Variants in AGAP1 observed in about 807,000 individuals in gnomAD.
AGAP1 encodes the protein ArfGAP with GTPase domain, ankyrin repeat and PH domain 1.
In AGAP1, 29 loss-of-function variants were observed where a neutral mutation model predicts 105.3. That is an observed-to-expected ratio of 0.28 (90% CI 0.21 to 0.38). The LOEUF is 0.38. AGAP1 is among the 10% of genes least tolerant of loss of function. The probability of loss-of-function intolerance (pLI) is 1.00; values close to 1 mark genes in which losing one functional copy is unlikely to be tolerated. For synonymous variants in AGAP1, 509 were observed against 485.9 expected (o/e 1.05, Z -0.63); for missense variants, 998 against 1,165.1 (o/e 0.86, Z 2.09).
rs1335033989 is a variant in AGAP1 at position 235,586,253 on chromosome 2, G to T, written c.163+91404G>T. On this transcript the variant is annotated intron_variant, in intron 1 of 17. Coordinates refer to ENST00000304032, the MANE Select transcript of AGAP1 (RefSeq NM_001037131.3). The surrounding 1 kb of genome is among the most constrained non-coding windows in gnomAD (Gnocchi z 4.2). ...ATACGGGCATGTTATCCAGAAGAGA[G>T]GAGAGAGAAGCCCGCTGCACTCTCC... Among the ~76,000 whole-genome samples the T allele has an allele frequency of 1.3e-5, 2 of 152,230 alleles. No homozygotes were observed. The highest frequency in any genetic ancestry group is 2.9e-5 in the Non-Finnish European group (2 of 68,038).
chr2:235,546,957 C>T (rs1252281893), intron 1 of AGAP1, among the ~76,000 whole-genome samples: 1 of 152,228 alleles, frequency 6.6e-6, no homozygotes, highest in African/African-American at 2.4e-5. Flanking sequence ...TTCAGCTCTC[C>T]ACCCGTAGGG....
rs1196364276 is a variant in AGAP1, at chr2:235,867,399, A to G, written c.1051-15946A>G. 6.6e-6 allele frequency among the ~76,000 whole-genome samples: 1 copy of G among 152,184 alleles called. No homozygotes were observed. Among genetic ancestry groups the G allele is most frequent in the African/African-American group, 2.4e-5 (1 of 41,442 alleles). ...AGGCAGAGGATCAGATTTGGCCGAC[A>G]TGTGGGAGCTTGCCGGCCCCAGTCC... On this transcript the variant is annotated intron_variant, in intron 9 of 17. Coordinates refer to ENST00000304032, the MANE Select transcript of AGAP1 (RefSeq NM_001037131.3). This position sits in a 1 kb window ranked among gnomAD's most constrained non-coding sequence, Gnocchi z 5.4.
At chr2:235,819,960 A>G (rs1444608179) in intron 9 of AGAP1, among the ~76,000 whole-genome samples, 2 of 145,852 alleles carry the variant, frequency 1.4e-5, no homozygotes, top group African/African-American at 5.1e-5. Flanking sequence ...CTGGAGTGCA[A>G]TGGTGCGATC....
In AGAP1 at chr2:235,882,588, C is replaced by T. The variant is rs1233169422; in HGVS notation, c.1051-757C>T. The T allele has an allele frequency of 1.9e-5, 10 of 515,522 alleles. No homozygotes were observed. Among genetic ancestry groups the T allele is most frequent in the Admixed American group, 6.6e-5 (2 of 30,408 alleles). The allele number at this position is 515,522 out of a possible 1,614,324, so 31.9% of individuals were successfully genotyped here. ...AAGCAATTCCCCTGCTCAGCCTCCC[C>T]GAGTAGCTGGGATTATAGGTGCCCA... On this transcript the variant is annotated intron_variant, in intron 9 of 17. Transcript: ENST00000304032. This position sits in a 1 kb window ranked among gnomAD's most constrained non-coding sequence, Gnocchi z 4.6.
chr2:235,628,120 C>T lies in AGAP1; in HGVS notation c.164-81059C>T, dbSNP rs375685458. 6.6e-5 allele frequency among the ~76,000 whole-genome samples: 10 copies of T among 152,246 alleles called. No individual in the cohort carries two copies. The East Asian group carries it at 9.7e-4, about 15-fold the overall frequency. On this transcript the variant is annotated intron_variant, in intron 1 of 17. Coordinates refer to ENST00000304032, the MANE Select transcript of AGAP1 (RefSeq NM_001037131.3). ...GAGAAGGGGGAGCACTAGAGCCCTC[C>T]GTGAGACCATTGACTGCACTGGGGT...
intron 6 of AGAP1, among the ~76,000 whole-genome samples, chr2:235,784,963 CA>C (rs1284789158): frequency 6.6e-6 from 1 of 152,200 alleles, no homozygotes; most frequent in African/African-American, 2.4e-5. Flanking sequence ...TTTGTCATCT[CA>C]TCCTTCTTCC....
chr2:235,495,869 G>A (rs1941295380), intron 1 of AGAP1, among the ~76,000 whole-genome samples: 1 of 152,234 alleles, frequency 6.6e-6, no homozygotes, highest in African/African-American at 2.4e-5. Flanking sequence ...GTTGGCCAGT[G>A]ATGGTAAAAA....
chr2:235,681,780 G>A (rs894880501), intron 1 of AGAP1, among the ~76,000 whole-genome samples: 2 of 151,166 alleles, frequency 1.3e-5, no homozygotes, highest in African/African-American at 4.9e-5. Context: ...TACAGTATTG[G>A]TGAAATTTAA....
At chr2:235,956,345 G>A (rs75088826) in intron 12 of AGAP1, among the ~76,000 whole-genome samples, 1 of 152,308 alleles carries the variant, frequency 6.6e-6, no homozygotes, top group Non-Finnish European at 1.5e-5. Context: ...TGATTTTTGA[G>A]CCTTAACTAT....
chr2:235,733,789 C>T lies in AGAP1; in HGVS notation c.311-7174C>T, dbSNP rs1221677198. Among the ~76,000 whole-genome samples the T allele has an allele frequency of 2.0e-5, 3 of 151,982 alleles. No individual in the cohort carries two copies. Among genetic ancestry groups the T allele is most frequent in the Non-Finnish European group, 4.4e-5 (3 of 68,030 alleles). ...AGTCGCCACATGCAGGGTCCTCACT[C>T]ACTGCTGGTACCTTTGTGTAGTAGT... On this transcript the variant is annotated intron_variant, in intron 3 of 17. Coordinates refer to ENST00000304032, the MANE Select transcript of AGAP1 (RefSeq NM_001037131.3). This position sits in a 1 kb window ranked among gnomAD's most constrained non-coding sequence, Gnocchi z 5.0.
chr2:236,060,374 A>G (rs185486470), intron 16 of AGAP1, among the ~76,000 whole-genome samples: 92 of 152,308 alleles, frequency 6.0e-4, no homozygotes, highest in South Asian at 3.1e-3. Context: ...TCCAGTAGGG[A>G]TCTGGTATCC....
rs2053748037 is a variant in AGAP1 at position 235,951,732 on chromosome 2, C to G, written c.1484-16730C>G. Among the ~76,000 whole-genome samples the G allele has an allele frequency of 6.6e-6, 1 of 152,190 alleles. No homozygotes were observed. On this transcript the variant is annotated intron_variant, in intron 12 of 17. Transcript: ENST00000304032. This position sits in a 1 kb window ranked among gnomAD's most constrained non-coding sequence, Gnocchi z 4.2. ...GTTGGTACAAAATAAACATTTCCTC[C>G]TATCCTGGATGACTGGAGCCTTGGG...
chr2:235,644,981 C>T (rs936185794), intron 1 of AGAP1, among the ~76,000 whole-genome samples: 16 of 152,006 alleles, frequency 1.1e-4, no homozygotes, highest in Admixed American at 2.0e-4. Flanking sequence ...CTGCAACCTC[C>T]GCCTCCCAGG....
In AGAP1 at chr2:236,121,312, T is replaced by A. The variant is rs1576352831; in HGVS notation, c.2370+865T>A. On this transcript the variant is annotated intron_variant, in intron 17 of 17. Coordinates refer to ENST00000304032, the MANE Select transcript of AGAP1 (RefSeq NM_001037131.3). This position sits in a 1 kb window ranked among gnomAD's most constrained non-coding sequence, Gnocchi z 4.9. ...TTTGATCTGACTTTTTTGTTTTTTGTTTTTTTGAGACAGAGTCTCGCTCTG... is the reference window on the plus strand; with the variant it reads ...TTTGATCTGACTTTTTTGTTTTTTGATTTTTTGAGACAGAGTCTCGCTCTG... Among the ~76,000 whole-genome samples the A allele has an allele frequency of 6.6e-6, 1 of 151,204 alleles. No individual in the cohort carries two copies. The highest frequency in any genetic ancestry group is 1.5e-5 in the Non-Finnish European group (1 of 67,366).
Position 236,092,402 on chromosome 2 carries a change from G to A in AGAP1, c.2115-27790G>A, listed in dbSNP as rs755521979. ...TTTCTTTTTCTTTTTTGTTTGTTTT[G>A]TTTTGTTTGTGACAGAGTCTCGCTC... On this transcript the variant is annotated intron_variant, in intron 16 of 17. Transcript: ENST00000304032. This position sits in a 1 kb window ranked among gnomAD's most constrained non-coding sequence, Gnocchi z 4.7. Among the ~76,000 whole-genome samples, 9 of 151,958 alleles carry A rather than the reference G, an allele frequency of 5.9e-5. No individual in the cohort carries two copies. Among genetic ancestry groups the A allele is most frequent in the Admixed American group, 6.6e-5 (1 of 15,250 alleles).
intron 1 of AGAP1, among the ~76,000 whole-genome samples, chr2:235,580,438 C>G (rs942196162): frequency 7.4e-6 from 1 of 135,288 alleles, no homozygotes; most frequent in Non-Finnish European, 1.6e-5. Flanking sequence ...GCTTTTCCCT[C>G]GGTGCTTGTT....
chr2:235,606,994 G>A (rs1945963010), intron 1 of AGAP1, among the ~76,000 whole-genome samples: 1 of 139,810 alleles, frequency 7.2e-6, no homozygotes, highest in Non-Finnish European at 1.5e-5. Flanking sequence ...AATTATAATT[G>A]TTTACGAACC....
intron 1 of AGAP1, among the ~76,000 whole-genome samples, chr2:235,707,774 G>A (rs961747923): frequency 6.6e-6 from 1 of 151,162 alleles, no homozygotes; most frequent in Non-Finnish European, 1.5e-5. Context: ...ATGGTGGGAT[G>A]TGCTCCCTCC....
intron 11 of AGAP1, among the ~76,000 whole-genome samples, chr2:235,914,081 C>A (rs2051756078): frequency 6.6e-6 from 1 of 151,926 alleles, no homozygotes; most frequent in South Asian, 2.1e-4. Context: ...ATTATGTCAT[C>A]TAATTGGTCA....
Sources: gnomAD v4.1 joint callset for allele counts (sites outside exome capture counted in the v4.1 genomes callset) on GRCh38, gnomAD v4.1.1 for gene constraint, Gnocchi (gnomAD v3.1) non-coding constraint, MANE v1.5 for transcripts, NCBI Gene and HGNC (gene_info 2026-07-23, HGNC 2026-07-21) for gene names.